DPF3: variants seen among roughly 807,000 people sequenced by gnomAD.
The protein encoded by DPF3 is double PHD fingers 3.
A neutral mutation model predicts 56.8 loss-of-function variants in DPF3; 18 were observed. The ratio of observed to expected loss-of-function variants is 0.32; its 90% confidence interval spans 0.22 to 0.47. DPF3 has a LOEUF of 0.47. Among genes scored for constraint, DPF3 ranks in the 20% least tolerant of loss-of-function variants. DPF3 has a pLI of 1.00. For missense variants in DPF3, 403 were observed against 488.8 expected (o/e 0.82, Z 1.65); for synonymous variants, 188 against 180.2 (o/e 1.04, Z -0.35).
chr14:72,816,354 C>T (rs1883283948), intron 1 of DPF3, among the ~76,000 whole-genome samples: 1 of 152,164 alleles, frequency 6.6e-6, no homozygotes. Context: ...CTTACACTTA[C>T]GTTATGTTAT....
At chr14:72,735,375 T>G (rs1449567201) in intron 3 of DPF3, among the ~76,000 whole-genome samples, 2 of 152,170 alleles carry the variant, frequency 1.3e-5, no homozygotes, top group African/African-American at 4.8e-5. Flanking sequence ...CTCTTCCTTC[T>G]CCTGCTCTTC....
At chr14:72,839,210 C>T (rs895358891) in intron 1 of DPF3, among the ~76,000 whole-genome samples, 8 of 151,842 alleles carry the variant, frequency 5.3e-5, no homozygotes, top group Non-Finnish European at 7.4e-5. Context: ...TGTGAGCCAC[C>T]GCATCTGGCC....
intron 1 of DPF3, among the ~76,000 whole-genome samples, chr14:72,790,468 T>C (rs2139981172): frequency 6.6e-6 from 1 of 152,292 alleles, no homozygotes; most frequent in Non-Finnish European, 1.5e-5. Flanking sequence ...AATTGGACAC[T>C]TTATTTTATG....
chr14:72,657,772 T>C (rs991170334), intron 8 of DPF3, among the ~76,000 whole-genome samples: 12 of 152,232 alleles, frequency 7.9e-5, no homozygotes, highest in Admixed American at 5.9e-4. Flanking sequence ...TGCCCATTCC[T>C]GTACATATCC....
chr14:72,646,476 T>TTTTG (rs1885728707), intron 8 of DPF3, among the ~76,000 whole-genome samples: 1 of 152,218 alleles, frequency 6.6e-6, no homozygotes, highest in South Asian at 2.1e-4. Flanking sequence ...CTTTGGCCAC[T>TTTTG]GTCAGGGACA....
intron 3 of DPF3, among the ~76,000 whole-genome samples, chr14:72,741,758 G>A (rs189413888): frequency 5.3e-5 from 8 of 152,368 alleles, no homozygotes; most frequent in Admixed American, 2.0e-4. Flanking sequence ...GGCCCTCGCC[G>A]TCAAGTTGTC....
chr14:72,702,395 C>A (rs572324468), intron 6 of DPF3, among the ~76,000 whole-genome samples: 1 of 152,152 alleles, frequency 6.6e-6, no homozygotes, highest in Non-Finnish European at 1.5e-5. Flanking sequence ...CCCCATGTCT[C>A]CCCTGCTCCT....
chr14:72,755,230 C>T (rs778419990), intron 2 of DPF3, among the ~76,000 whole-genome samples: 8 of 152,306 alleles, frequency 5.3e-5, no homozygotes, highest in Non-Finnish European at 7.3e-5. Flanking sequence ...GTCTACGTGG[C>T]AAGAGTGCAA....
chr14:72,629,106 T>C (rs1885013530), intron 9 of DPF3, among the ~76,000 whole-genome samples: 1 of 152,218 alleles, frequency 6.6e-6, no homozygotes, highest in African/African-American at 2.4e-5. Flanking sequence ...TTATTGATTT[T>C]TTAGCTATGT....
intron 8 of DPF3, among the ~76,000 whole-genome samples, chr14:72,666,775 C>T (rs1332916020): frequency 6.6e-6 from 1 of 152,120 alleles, no homozygotes; most frequent in East Asian, 1.9e-4. Flanking sequence ...TTCCACACAC[C>T]AGATCAAAGA....
chr14:72,882,194 G>A (rs1381287660), intron 1 of DPF3, among the ~76,000 whole-genome samples: 1 of 152,210 alleles, frequency 6.6e-6, no homozygotes, highest in Admixed American at 6.5e-5. Context: ...AGAAAAGACA[G>A]AAAAGATCCT....
At chr14:72,864,098 C>G (rs1216769888) in intron 1 of DPF3, among the ~76,000 whole-genome samples, 1 of 152,122 alleles carries the variant, frequency 6.6e-6, no homozygotes, top group Non-Finnish European at 1.5e-5. Flanking sequence ...GCGCCCTGGT[C>G]CCTCCAGAGA....
intron 8 of DPF3, among the ~76,000 whole-genome samples, chr14:72,652,384 G>A (rs1430704277): frequency 2.0e-5 from 3 of 152,110 alleles, no homozygotes; most frequent in Non-Finnish European, 2.9e-5. Flanking sequence ...GGGAGTCCTG[G>A]AGCATTCGTT....
rs370230027 is a variant in DPF3, at chr14:72,747,637, A to G, written c.301+5627T>C. ...ACCCCCGTCTCTACAAAAAAAAAAA[A>G]AAAAATAGCTAGGTGATATGGTTTG... On this transcript the variant is annotated intron_variant, in intron 3 of 10. Coordinates refer to ENST00000556509, the MANE Select transcript of DPF3 (RefSeq NM_001280542.3). Among the ~76,000 whole-genome samples, 12 of 152,098 alleles carry G rather than the reference A, an allele frequency of 7.9e-5. No individual in the cohort carries two copies. The East Asian group carries it at 1.5e-3, about 20-fold the overall frequency.
intron 1 of DPF3, among the ~76,000 whole-genome samples, chr14:72,884,524 G>A (rs72732451): frequency 0.081 from 12,366 of 151,940 alleles, 743 homozygotes; most frequent in East Asian, 0.19. Context: ...CATGTGGGCC[G>A]CTGCGGGGAA....
chr14:72,704,044 T>A (rs1046797412), intron 6 of DPF3, among the ~76,000 whole-genome samples: 4 of 152,378 alleles, frequency 2.6e-5, no homozygotes, highest in Middle Eastern at 3.4e-3. Flanking sequence ...AATATTATTG[T>A]CCTCACCTAA....
At position 72,613,043 on chromosome 14, in the gene DPF3, T is replaced by C. The variant is rs2803957; in HGVS notation, c.*6254A>G. 0.65 allele frequency among the ~76,000 whole-genome samples: 98,691 copies of C among 151,030 alleles called. 33,290 individuals are homozygous for C. The highest frequency in any genetic ancestry group is 0.99 in the East Asian group (5,075 of 5,150). On this transcript the variant is annotated 3_prime_UTR_variant, in exon 11 of 11. Coordinates refer to ENST00000556509, the MANE Select transcript of DPF3 (RefSeq NM_001280542.3). ...GTGTGTGTGTGTGTATGTGCGTGCG[T>C]GCACGCACGCGCATGCACATGGGCA...
At chr14:72,692,305 A>G (rs1335048420) in intron 7 of DPF3, among the ~76,000 whole-genome samples, 1 of 152,206 alleles carries the variant, frequency 6.6e-6, no homozygotes, top group East Asian at 1.9e-4. Context: ...AGCAGGCTCT[A>G]AAGATTCCAT....
chr14:72,846,134 A>T, intron 1 of DPF3, among the ~76,000 whole-genome samples: 1 of 93,100 alleles, frequency 1.1e-5, no homozygotes, highest in East Asian at 2.3e-4. Flanking sequence ...TTTATTTGAG[A>T]CAGTCTCCTT....
Sources: gnomAD v4.1 joint callset for allele counts (sites outside exome capture counted in the v4.1 genomes callset) on GRCh38, gnomAD v4.1.1 for gene constraint, MANE v1.5 for transcripts, NCBI Gene and HGNC (gene_info 2026-07-23, HGNC 2026-07-21) for gene names.